Variants in CYP20A1 observed in about 807,000 individuals in gnomAD.
The protein encoded by CYP20A1 is cytochrome P450 family 20 subfamily A member 1, also known as cytochrome P450 20A1.
A neutral mutation model predicts 61.4 loss-of-function variants in CYP20A1; 61 were observed. The observed-to-expected ratio is 0.99, with a 90% CI of 0.81 to 1.23. The LOEUF is 1.23. CYP20A1 is among the 50% of genes most tolerant of loss of function. The pLI, the probability that CYP20A1 is intolerant of heterozygous loss-of-function variation, is 0.00. For missense variants in CYP20A1, 530 were observed against 542.4 expected (o/e 0.98, Z 0.23); for synonymous variants, 193 against 188.2 (o/e 1.03, Z -0.21).
rs551060012 is a variant in CYP20A1 at position 203,302,197 on chromosome 2, G to A, written c.*5289G>A. Reference sequence around the variant, plus strand: ...CCACCTTGACCTCCCAAAGTGCTGGGATTACAGGCATGGGGCACCATGCCC... The same window carrying A: ...CCACCTTGACCTCCCAAAGTGCTGGAATTACAGGCATGGGGCACCATGCCC... On this transcript the variant is annotated 3_prime_UTR_variant, in exon 13 of 13. Transcript: ENST00000356079. 2.0e-5 allele frequency among the ~76,000 whole-genome samples: 3 copies of A among 152,198 alleles called. No individual in the cohort carries two copies. Among genetic ancestry groups the A allele is most frequent in the African/African-American group, 7.2e-5 (3 of 41,528 alleles).
intron 4 of CYP20A1, among the ~76,000 whole-genome samples, chr2:203,265,456 C>T (rs2067286655): frequency 6.6e-6 from 1 of 152,166 alleles, no homozygotes. Context: ...CTCTCTCCCA[C>T]CTTTATACTT....
At chr2:203,288,936 A>C (rs2068416884) in intron 9 of CYP20A1, among the ~76,000 whole-genome samples, 1 of 152,210 alleles carries the variant, frequency 6.6e-6, no homozygotes, top group African/African-American at 2.4e-5. Context: ...CATTTAAGTG[A>C]ACTGACTCAT....
chr2:203,300,483 G>A lies in CYP20A1; in HGVS notation c.*3575G>A, dbSNP rs2068976518. Among the ~76,000 whole-genome samples the A allele has an allele frequency of 6.6e-6, 1 of 152,128 alleles. No individual in the cohort carries two copies. The highest frequency in any genetic ancestry group is 6.6e-5 in the Admixed American group (1 of 15,262). On this transcript the variant is annotated 3_prime_UTR_variant, in exon 13 of 13. Coordinates refer to ENST00000356079, the MANE Select transcript of CYP20A1 (RefSeq NM_177538.3). The stretch of plus-strand genomic sequence containing the variant: ...ACTCAAGTTATTGAACTATCAAATG[G>A]GTTTTTAATTGATATTGAAGTAAGT...
chr2:203,248,360 C>G (rs535242100), intron 3 of CYP20A1, among the ~76,000 whole-genome samples: 104 of 152,202 alleles, frequency 6.8e-4, no homozygotes, highest in African/African-American at 2.4e-3. Flanking sequence ...ATGGTAAAAC[C>G]CTGTCGCTAC....
chr2:203,250,069 G>A (rs1294387311), intron 3 of CYP20A1, among the ~76,000 whole-genome samples: 1 of 152,108 alleles, frequency 6.6e-6, no homozygotes, highest in Non-Finnish European at 1.5e-5. Flanking sequence ...CAAGCTCTCT[G>A]GAGAAAAAGT....
Position 203,252,100 on chromosome 2 carries a change from C to T in CYP20A1, c.423C>T (p.Leu141=). 6.2e-7 allele frequency: 1 copy of T among 1,606,174 alleles called. No homozygotes were observed. The highest frequency in any genetic ancestry group is 1.1e-5 in the South Asian group (1 of 89,928). ...VTDSLKSNFA[L]LLKLSEELLD... Reference sequence around the variant, plus strand: ...ATTCTCTGAAGAGTAACTTTGCCCTCCTCCTAAAGGTAAGGTGATAAGTAG... The same window carrying T: ...ATTCTCTGAAGAGTAACTTTGCCCTTCTCCTAAAGGTAAGGTGATAAGTAG... Residue 141 remains leucine, a synonymous_variant, in exon 4 of 13, where the codon CTC becomes CTT. Coordinates refer to ENST00000356079, the MANE Select transcript of CYP20A1 (RefSeq NM_177538.3).
At chr2:203,256,780 G>T (rs764458003) in intron 4 of CYP20A1, among the ~76,000 whole-genome samples, 1 of 152,076 alleles carries the variant, frequency 6.6e-6, no homozygotes, top group Non-Finnish European at 1.5e-5. Flanking sequence ...TATAGAGCAG[G>T]CCCTCAGTCA....
chr2:203,289,017 CA>C (rs2068421181), intron 9 of CYP20A1, among the ~76,000 whole-genome samples: 1 of 152,102 alleles, frequency 6.6e-6, no homozygotes, highest in African/African-American at 2.4e-5. Context: ...TATATATTGC[CA>C]AATTATGCTT....
intron 1 of CYP20A1, among the ~76,000 whole-genome samples, chr2:203,241,881 G>A (rs901991583): frequency 5.3e-5 from 8 of 151,992 alleles, no homozygotes; most frequent in African/African-American, 1.9e-4. Context: ...TCGCTCTGTC[G>A]CCCAGGCTGG....
chr2:203,282,581 C>T (rs1048196741), intron 8 of CYP20A1, among the ~76,000 whole-genome samples: 1 of 152,090 alleles, frequency 6.6e-6, no homozygotes, highest in African/African-American at 2.4e-5. Context: ...GTGCTCCGGA[C>T]ACCAAGAAAA....
intron 3 of CYP20A1, among the ~76,000 whole-genome samples, chr2:203,250,242 C>T (rs4675326): frequency 0.89 from 136,242 of 152,284 alleles, 61,777 homozygotes; most frequent in Non-Finnish European, 0.96. Context: ...GGCCTGAATA[C>T]GATGATGTAG....
In CYP20A1 at chr2:203,289,784, T is replaced by C; in HGVS notation, c.991T>C (p.Cys331Arg). 6.4e-7 allele frequency: 1 copy of C among 1,573,588 alleles called. No individual in the cohort carries two copies. The highest frequency in any genetic ancestry group is 8.6e-7 in the Non-Finnish European group (1 of 1,159,612). The change falls in exon 10 of 13, where the codon TGT (cysteine) becomes CGT (arginine). Residue 331 changes from cysteine (C) to arginine (R), a missense_variant. Transcript: ENST00000356079. ...EQLRYCQHVL[C>R]ETVRTAKLTP... is the part of the protein sequence containing the mutation. ...AAACAGATATTGTCAGCATGTGCTT[T>C]GTGAAACTGTTCGAACTGCCAAACT...
intron 9 of CYP20A1, among the ~76,000 whole-genome samples, chr2:203,288,706 C>G (rs2068406365): frequency 6.6e-6 from 1 of 152,154 alleles, no homozygotes; most frequent in Non-Finnish European, 1.5e-5. Context: ...TACATCTTTA[C>G]TAATATTTCC....
Position 203,301,509 on chromosome 2 carries a change from G to C in CYP20A1, c.*4601G>C, listed in dbSNP as rs1484841955. Among the ~76,000 whole-genome samples, 1 of 151,886 alleles carries C rather than the reference G, an allele frequency of 6.6e-6. No homozygotes were observed. The highest frequency in any genetic ancestry group is 2.4e-5 in the African/African-American group (1 of 41,358). Reference sequence around the variant, plus strand: ...TTGTCTCAAACTCCTAGGCTCAAGCGATCCTCCCACCTGGGCCTCCCAAAG... The same window carrying C: ...TTGTCTCAAACTCCTAGGCTCAAGCCATCCTCCCACCTGGGCCTCCCAAAG... On this transcript the variant is annotated 3_prime_UTR_variant, in exon 13 of 13. Transcript: ENST00000356079.
At chr2:203,291,559 TTCAC>T (rs2068533301) in intron 10 of CYP20A1, among the ~76,000 whole-genome samples, 1 of 152,222 alleles carries the variant, frequency 6.6e-6, no homozygotes, top group Admixed American at 6.5e-5. Flanking sequence ...CTTTATAACT[TTCAC>T]TCATTTTTCT....
At chr2:203,244,126 C>A (rs545518584) in intron 1 of CYP20A1, among the ~76,000 whole-genome samples, 1 of 143,398 alleles carries the variant, frequency 7.0e-6, no homozygotes. Context: ...AATGCCCCCG[C>A]CCCCCGTCTC....
At chr2:203,256,157 G>T (rs917498233) in intron 4 of CYP20A1, among the ~76,000 whole-genome samples, 2 of 20,798 alleles carry the variant, frequency 9.6e-5, no homozygotes, top group East Asian at 1.4e-3. Context: ...TTGTAAAGAC[G>T]TGTGTCTCAT....
intron 4 of CYP20A1, among the ~76,000 whole-genome samples, chr2:203,253,183 C>A (rs572595343): frequency 2.0e-5 from 3 of 152,288 alleles, no homozygotes; most frequent in African/African-American, 7.2e-5. Flanking sequence ...TCTGTCCCCA[C>A]GGGTCCTGCC....
At chr2:203,255,200 C>G (rs1275827837) in intron 4 of CYP20A1, among the ~76,000 whole-genome samples, 5 of 152,096 alleles carry the variant, frequency 3.3e-5, no homozygotes, top group Non-Finnish European at 5.9e-5. Flanking sequence ...TTGCAGTTGA[C>G]AGATACCTCT....
Sources: gnomAD v4.1 joint callset for allele counts (sites outside exome capture counted in the v4.1 genomes callset) on GRCh38, gnomAD v4.1.1 for gene constraint, MANE v1.5 for transcripts, NCBI Gene and HGNC (gene_info 2026-07-23, HGNC 2026-07-21) for gene names.